Variants in RYR2 observed in about 807,000 individuals in gnomAD.
The protein encoded by RYR2 is ryanodine receptor 2, also known as cardiac muscle ryanodine receptor-calcium release channel.
RYR2 carries 227 observed loss-of-function variants against 601.1 expected under a neutral mutation model. The observed-to-expected ratio is 0.38, with a 90% CI of 0.34 to 0.42. RYR2 has a LOEUF of 0.42. Ranked by LOEUF, RYR2 falls within the 10% of genes least tolerant of loss-of-function variation. The pLI is 1.00. For missense variants in RYR2, 4,646 were observed against 6,156.5 expected (o/e 0.75, Z 8.21); for synonymous variants, 2,223 against 2,175.1 (o/e 1.02, Z -0.61).
chr1:237,631,754 A>C (rs1375237380), intron 42 of RYR2, among the ~76,000 whole-genome samples: 1 of 149,134 alleles, frequency 6.7e-6, no homozygotes, highest in African/African-American at 2.5e-5. Context: ...CAGCCTCCCG[A>C]GGAGCTGGGA....
chr1:237,339,606 A>C (rs1031704391), intron 3 of RYR2, among the ~76,000 whole-genome samples: 2 of 152,092 alleles, frequency 1.3e-5, no homozygotes, highest in Non-Finnish European at 2.9e-5. Context: ...TTACCACCTA[A>C]TTATATATGG....
rs372610981 is a variant in RYR2 at position 237,377,310 on chromosome 1, C to T, written c.464-13C>T. 1.9e-5 allele frequency: 30 copies of T among 1,584,364 alleles called. No individual in the cohort carries two copies. Among genetic ancestry groups the T allele is most frequent in the Admixed American group, 3.5e-5 (2 of 56,974 alleles). ...GGAACTTTTTCATGTTTCACATATC[C>T]GTATATCTGCAGGGGAGGCTTGTTG... On this transcript the variant is annotated splice_polypyrimidine_tract_variant and intron_variant, in intron 7 of 104. Transcript: ENST00000366574.
rs995226856 is a variant in RYR2, at chr1:237,623,892, G to C, written c.6022+22G>C. 1.6e-5 allele frequency: 24 copies of C among 1,467,520 alleles called. No homozygotes were observed. The African/African-American group carries it at 3.1e-4, about 19-fold the overall frequency. The allele number at this position is 1,467,520 out of a possible 1,614,324, so 90.9% of individuals were successfully genotyped here. A position where few individuals can be genotyped will look rare whatever the true frequency, so the allele number is the denominator to read the frequency against. On this transcript the variant is annotated intron_variant, in intron 39 of 104. Coordinates refer to ENST00000366574, the MANE Select transcript of RYR2 (RefSeq NM_001035.3). The stretch of plus-strand genomic sequence containing the variant: ...TGTGGTAAGGTCTTTTTGATTAAAA[G>C]CTTTTATTAATTGTATGTTTTTAAT...
At chr1:237,302,796 T>C (rs1367494732) in intron 2 of RYR2, among the ~76,000 whole-genome samples, 2 of 152,220 alleles carry the variant, frequency 1.3e-5, no homozygotes, top group South Asian at 2.1e-4. Flanking sequence ...AATATTCATA[T>C]ATGAAATAAA....
intron 38 of RYR2, among the ~76,000 whole-genome samples, chr1:237,620,617 T>G (rs1049986871): frequency 6.6e-6 from 1 of 152,106 alleles, no homozygotes; most frequent in Non-Finnish European, 1.5e-5. Context: ...GGAATATGTA[T>G]TATTAAAATA....
intron 1 of RYR2, among the ~76,000 whole-genome samples, chr1:237,119,646 C>A (rs566743189): frequency 6.6e-6 from 1 of 152,276 alleles, no homozygotes; most frequent in African/African-American, 2.4e-5. Context: ...TAGCTGGTCT[C>A]ATGGCCATGG....
chr1:237,833,351 GCCCCCCCCC>G lies in RYR2; in HGVS notation c.*708_*716del, dbSNP rs397983403. 9.2e-6 allele frequency: 1 copy of G among 109,104 alleles called. No individual in the cohort carries two copies. Among genetic ancestry groups the G allele is most frequent in the African/African-American group, 3.7e-5 (1 of 26,808 alleles). The allele number at this position is 109,104 out of a possible 1,614,324, so 6.8% of individuals were successfully genotyped here. The stretch of plus-strand genomic sequence containing the variant: ...TTCTCATTCAGCTAAATTCACATTT[GCCCCCCCCC>G]CCCGCCCCCGCCCCCATATGCTCCT... On this transcript the variant is annotated 3_prime_UTR_variant, in exon 105 of 105. Transcript: ENST00000366574.
chr1:237,393,231 A>G (rs1229894747), intron 10 of RYR2, among the ~76,000 whole-genome samples: 2 of 152,174 alleles, frequency 1.3e-5, no homozygotes, highest in Non-Finnish European at 2.9e-5. Flanking sequence ...AATGCAGGCC[A>G]ATTAAGTCAT....
At chr1:237,810,502 T>G (rs1205489074) in intron 100 of RYR2, among the ~76,000 whole-genome samples, 1 of 152,222 alleles carries the variant, frequency 6.6e-6, no homozygotes, top group East Asian at 1.9e-4. Context: ...AAAATCAGCA[T>G]TTTCATGACT....
At chr1:237,677,939 G>A in intron 60 of RYR2, 109 bp from the exon 61 acceptor site, 2 of 719,922 alleles carry the variant, frequency 2.8e-6, no homozygotes, top group South Asian at 1.7e-5. Flanking sequence ...TTTACATTCA[G>A]TTTAGCGGGA....
chr1:237,291,198 T>C (rs1018174530), intron 2 of RYR2, among the ~76,000 whole-genome samples: 1 of 152,044 alleles, frequency 6.6e-6, no homozygotes, highest in African/African-American at 2.4e-5. Flanking sequence ...TACGTATTCA[T>C]GTCAATGTTA....
intron 2 of RYR2, among the ~76,000 whole-genome samples, chr1:237,276,402 A>G (rs1458367660): frequency 6.6e-6 from 1 of 152,214 alleles, no homozygotes. Context: ...GCCTGGCCTC[A>G]GTGCATATAT....
chr1:237,413,859 G>A (rs1049804133), intron 10 of RYR2, among the ~76,000 whole-genome samples: 1 of 152,008 alleles, frequency 6.6e-6, no homozygotes, highest in African/African-American at 2.4e-5. Context: ...TTAAAGGATT[G>A]CAGATTAAAA....
chr1:237,153,699 C>T (rs957139104), intron 1 of RYR2, among the ~76,000 whole-genome samples: 4 of 151,462 alleles, frequency 2.6e-5, no homozygotes, highest in African/African-American at 7.3e-5. Flanking sequence ...TCTGCAAAAC[C>T]GTTATTTTAG....
rs1572259561 is a variant in RYR2 at position 237,223,516 on chromosome 1, T to G, written c.49-46981T>G. Among the ~76,000 whole-genome samples the G allele has an allele frequency of 3.3e-5, 5 of 152,316 alleles. No homozygotes were observed. The East Asian group carries it at 9.7e-4, about 29-fold the overall frequency. ...GACAAAGATCTCTGACAACCTAACT[T>G]TATTCCTGTAGTTGGTATTTTTACT... On this transcript the variant is annotated intron_variant, in intron 1 of 104. Transcript: ENST00000366574.
At chr1:237,399,193 TC>T (rs1703123600) in intron 10 of RYR2, among the ~76,000 whole-genome samples, 1 of 123,172 alleles carries the variant, frequency 8.1e-6, no homozygotes, top group South Asian at 3.4e-4. Flanking sequence ...AGTCTCTGTC[TC>T]AAAAAAAACA....
chr1:237,417,838 A>G (rs986814707), intron 11 of RYR2, among the ~76,000 whole-genome samples: 12 of 152,286 alleles, frequency 7.9e-5, no homozygotes, highest in Admixed American at 2.6e-4. Context: ...ATTTTTAAAA[A>G]TAATTCGAAG....
At chr1:237,337,367 A>T (rs1697345116) in intron 3 of RYR2, among the ~76,000 whole-genome samples, 1 of 152,228 alleles carries the variant, frequency 6.6e-6, no homozygotes, top group Non-Finnish European at 1.5e-5. Flanking sequence ...TTAAAAGTAC[A>T]TTTATCAAAC....
At chr1:237,631,719 C>T (rs1174821852) in intron 42 of RYR2, among the ~76,000 whole-genome samples, 178 bp downstream of exon 42, 1 of 148,332 alleles carries the variant, frequency 6.7e-6, no homozygotes, top group Non-Finnish European at 1.5e-5. Context: ...GCTCCGCCTC[C>T]CGGGTTCACG....
Sources: gnomAD v4.1 joint callset for allele counts (sites outside exome capture counted in the v4.1 genomes callset) on GRCh38, gnomAD v4.1.1 for gene constraint, MANE v1.5 for transcripts, NCBI Gene and HGNC (gene_info 2026-07-23, HGNC 2026-07-21) for gene names.